The following PARD3B variants were observed in gnomAD, a reference collection of about 807,000 sequenced individuals.
PARD3B encodes the protein partitioning defective 3 homolog B.
A neutral mutation model predicts 130.2 loss-of-function variants in PARD3B; 103 were observed. That is an observed-to-expected ratio of 0.79 (90% CI 0.67 to 0.93). The LOEUF (loss-of-function observed/expected upper bound fraction) is 0.93. Among genes scored for constraint, PARD3B ranks in the 40% least tolerant of loss-of-function variants. PARD3B has a pLI of 0.00. For missense variants in PARD3B, 1,609 were observed against 1,499.2 expected (o/e 1.07, Z -1.21); for synonymous variants, 583 against 553.2 (o/e 1.05, Z -0.76).
At chr2:204,546,895 T>G (rs1422336359) in intron 1 of PARD3B, among the ~76,000 whole-genome samples, 3 of 152,226 alleles carry the variant, frequency 2.0e-5, no homozygotes, top group Non-Finnish European at 4.4e-5. Context: ...TATCTGGCAC[T>G]AGAACTTATG....
At chr2:204,807,903 C>T (rs2042831666) in intron 2 of PARD3B, among the ~76,000 whole-genome samples, 1 of 151,832 alleles carries the variant, frequency 6.6e-6, no homozygotes, top group African/African-American at 2.4e-5. Context: ...GAGATCACAA[C>T]ACGATAACTA....
chr2:204,625,196 A>G (rs560934004), intron 1 of PARD3B, among the ~76,000 whole-genome samples: 1 of 152,280 alleles, frequency 6.6e-6, no homozygotes, highest in South Asian at 2.1e-4. Context: ...TATTTAAGGT[A>G]GAGATGAATC....
In PARD3B at chr2:204,629,326, A is replaced by G. The variant is rs184593429; in HGVS notation, c.121-56855A>G. On this transcript the variant is annotated intron_variant, in intron 1 of 22. Transcript: ENST00000406610. ...CCTACTTTCTGTTTTACATTTTTAC[A>G]TACCGTGCTCCTGCAGTGATTTGCT... 1.3e-3 allele frequency among the ~76,000 whole-genome samples: 196 copies of G among 152,322 alleles called. 1 individual carries two copies. The highest frequency in any genetic ancestry group is 4.4e-3 in the African/African-American group (185 of 41,586).
rs1171378712 is a variant in PARD3B, at chr2:205,485,543, T to G, written c.3045-14353T>G. Among the ~76,000 whole-genome samples, 3 of 152,162 alleles carry G rather than the reference T, an allele frequency of 2.0e-5. No individual in the cohort carries two copies. The East Asian group carries it at 5.8e-4, about 29-fold the overall frequency. ...AGGTCAGCTAGTTCCTTCCATAGGT[T>G]GTGATATATGGGGTTACAGAGAGCT... On this transcript the variant is annotated intron_variant, in intron 20 of 22. Transcript: ENST00000406610.
At chr2:205,347,906 A>C in intron 18 of PARD3B, 1 of 126,150 alleles carries the variant, frequency 7.9e-6, no homozygotes, top group Non-Finnish European at 1.8e-5. Flanking sequence ...TAGGAGTGCA[A>C]AAGTTTTGTT....
chr2:205,039,266 A>G (rs1698223790), intron 3 of PARD3B, among the ~76,000 whole-genome samples: 1 of 152,124 alleles, frequency 6.6e-6, no homozygotes, highest in African/African-American at 2.4e-5. Context: ...CTGGTAAGGC[A>G]TGTAAATCAT....
chr2:204,874,037 G>A (rs2045742156), intron 2 of PARD3B, among the ~76,000 whole-genome samples: 1 of 152,144 alleles, frequency 6.6e-6, no homozygotes, highest in African/African-American at 2.4e-5. Context: ...CAGCTACTTG[G>A]GAGGCTGAGG....
At position 204,742,332 on chromosome 2, in the gene PARD3B, T is replaced by C. The variant is rs138648847; in HGVS notation, c.222+56050T>C. Among the ~76,000 whole-genome samples, 123 of 152,276 alleles carry C rather than the reference T, an allele frequency of 8.1e-4. 1 individual carries two copies. The East Asian group carries it at 0.021, about 26-fold the overall frequency. ...GAATGCACTGTCTCTGCCATTGTCC[T>C]CTCCAGATTTTGAGATAGAAATGAA... On this transcript the variant is annotated intron_variant, in intron 2 of 22. Coordinates refer to ENST00000406610, the MANE Select transcript of PARD3B (RefSeq NM_001302769.2).
intron 1 of PARD3B, among the ~76,000 whole-genome samples, chr2:204,667,770 T>C (rs566566597): frequency 6.6e-6 from 1 of 152,300 alleles, no homozygotes; most frequent in Non-Finnish European, 1.5e-5. Context: ...ATAGAATCTT[T>C]ATATTCCCAC....
intron 3 of PARD3B, among the ~76,000 whole-genome samples, chr2:205,009,647 G>A (rs1029064278): frequency 2.7e-5 from 4 of 148,958 alleles, no homozygotes; most frequent in African/African-American, 7.5e-5. Flanking sequence ...CTCCAGCCTG[G>A]GCCACAGAGC....
At position 205,288,256 on chromosome 2, in the gene PARD3B, T is replaced by C. The variant is rs2041471476; in HGVS notation, c.2186-12274T>C. ...CCTGGCTCCCAAGTGCATTAAGATA[T>C]GTTCCTGCACCCTATCCCTCCTCGT... On this transcript the variant is annotated intron_variant, in intron 16 of 22. Transcript: ENST00000406610. This position sits in a 1 kb window ranked among gnomAD's most constrained non-coding sequence, Gnocchi z 4.0. Among the ~76,000 whole-genome samples the C allele has an allele frequency of 6.6e-6, 1 of 151,966 alleles. No individual in the cohort carries two copies. The highest frequency in any genetic ancestry group is 1.5e-5 in the Non-Finnish European group (1 of 68,016).
chr2:204,612,858 C>A (rs1207729381), intron 1 of PARD3B, among the ~76,000 whole-genome samples: 1 of 143,880 alleles, frequency 7.0e-6, no homozygotes, highest in African/African-American at 2.6e-5. Flanking sequence ...AAGACCTTTT[C>A]AGGTGATCTA....
intron 20 of PARD3B, among the ~76,000 whole-genome samples, chr2:205,467,548 A>G (rs761236036): frequency 6.6e-6 from 1 of 151,972 alleles, no homozygotes; most frequent in Non-Finnish European, 1.5e-5. Context: ...TATGCAAAAT[A>G]TATTTTCAAG....
At position 205,148,570 on chromosome 2, in the gene PARD3B, ATTG is replaced by A. The variant is rs548145379; in HGVS notation, c.1435-10147_1435-10145del. ...TGTCTTGCAGGTGTCTTATCCTTTC[ATTG>A]TTGTGAAAATTTATTTAGCTGTAAC... On this transcript the variant is annotated intron_variant, in intron 10 of 22. Transcript: ENST00000406610. Among the ~76,000 whole-genome samples the A allele has an allele frequency of 9.8e-5, 15 of 152,292 alleles. No homozygotes were observed. In the East Asian group the frequency reaches 2.7e-3, roughly 27 times the overall value.
intron 2 of PARD3B, among the ~76,000 whole-genome samples, chr2:204,867,980 A>G (rs1444039967): frequency 6.6e-6 from 1 of 152,168 alleles, no homozygotes; most frequent in Non-Finnish European, 1.5e-5. Context: ...CTTATGGACT[A>G]GATCTCAGAG....
chr2:205,122,054 TG>T lies in PARD3B; in HGVS notation c.1165+106del. On this transcript the variant is annotated intron_variant, in intron 8 of 22. Transcript: ENST00000406610. This position sits in a 1 kb window ranked among gnomAD's most constrained non-coding sequence, Gnocchi z 4.3. ...TTAGTTAATTCTCCCTTCATTTAAT[TG>T]TATCAAAGAATAGATTTAAGTGTAT... The T allele has an allele frequency of 1.0e-6, 1 of 963,414 alleles. No homozygotes were observed. The highest frequency in any genetic ancestry group is 1.7e-5 in the South Asian group (1 of 57,624). 59.7% of individuals were successfully genotyped at this position (963,414 alleles called of 1,614,324 possible).
intron 2 of PARD3B, among the ~76,000 whole-genome samples, chr2:204,817,050 G>A (rs1031128190): frequency 1.3e-5 from 2 of 151,956 alleles, no homozygotes; most frequent in African/African-American, 4.8e-5. Flanking sequence ...ACACATTGTA[G>A]TTTTTATCTC....
At chr2:204,839,362 C>G (rs2044179152) in intron 2 of PARD3B, among the ~76,000 whole-genome samples, 1 of 152,180 alleles carries the variant, frequency 6.6e-6, no homozygotes, top group African/African-American at 2.4e-5. Flanking sequence ...TAAAAGTATT[C>G]TCTTACTTCT....
At chr2:205,543,483 A>G (rs901500096) in intron 21 of PARD3B, among the ~76,000 whole-genome samples, 1 of 152,170 alleles carries the variant, frequency 6.6e-6, no homozygotes, top group Non-Finnish European at 1.5e-5. Context: ...CCATGGGTTC[A>G]TTTGAACTTT....
Sources: gnomAD v4.1 joint callset for allele counts (sites outside exome capture counted in the v4.1 genomes callset) on GRCh38, gnomAD v4.1.1 for gene constraint, Gnocchi (gnomAD v3.1) non-coding constraint, MANE v1.5 for transcripts, NCBI Gene and HGNC (gene_info 2026-07-23, HGNC 2026-07-21) for gene names.